Variants in TBCK observed in about 807,000 individuals in gnomAD.
The protein encoded by TBCK is TBC domain-containing protein kinase-like protein.
In TBCK, 99 loss-of-function variants were observed where a neutral mutation model predicts 113.4. The observed-to-expected ratio is 0.87, with a 90% CI of 0.74 to 1.03. TBCK has a LOEUF of 1.03. TBCK is among the 50% of genes least tolerant of loss of function. The pLI is 0.00. For missense variants in TBCK, 1,045 were observed against 1,061.3 expected (o/e 0.98, Z 0.21); for synonymous variants, 369 against 370.8 (o/e 1.00, Z 0.05).
At chr4:106,144,963 A>G (rs1030357710) in intron 23 of TBCK, among the ~76,000 whole-genome samples, 93 of 146,680 alleles carry the variant, frequency 6.3e-4, no homozygotes, top group African/African-American at 2.3e-3. Context: ...CGGAGGTTGC[A>G]GGGAGCTGAG....
chr4:106,307,151 T>C (rs1767610504), intron 2 of TBCK, among the ~76,000 whole-genome samples: 1 of 152,176 alleles, frequency 6.6e-6, no homozygotes, highest in African/African-American at 2.4e-5. Flanking sequence ...ATTATACACT[T>C]ACAGCAACAT....
intron 24 of TBCK, among the ~76,000 whole-genome samples, chr4:106,107,922 T>G (rs2149546218): frequency 2.0e-5 from 3 of 152,024 alleles, no homozygotes; most frequent in Non-Finnish European, 4.4e-5. Context: ...TAAACACAAT[T>G]AGAAATGACT....
chr4:106,065,110 T>G (rs1017475565), intron 25 of TBCK, among the ~76,000 whole-genome samples: 1 of 151,928 alleles, frequency 6.6e-6, no homozygotes, highest in African/African-American at 2.4e-5. Context: ...AAATAAAAAT[T>G]CTCCTTTATA....
chr4:106,153,667 G>A (rs200718290), intron 23 of TBCK, among the ~76,000 whole-genome samples: 1 of 152,082 alleles, frequency 6.6e-6, no homozygotes, highest in Admixed American at 6.6e-5. Context: ...CAAGAGTGTT[G>A]AAGTCTCCAG....
chr4:106,299,100 A>G (rs1217233944), intron 2 of TBCK, among the ~76,000 whole-genome samples: 1 of 152,246 alleles, frequency 6.6e-6, no homozygotes, highest in East Asian at 1.9e-4. Context: ...GCATCACAGT[A>G]GTACATCACA....
intron 2 of TBCK, 46 bp downstream of exon 2, chr4:106,308,722 T>C (rs1355038548): frequency 6.5e-7 from 1 of 1,529,544 alleles, no homozygotes; most frequent in Non-Finnish European, 8.9e-7. Flanking sequence ...TAACTTAGGG[T>C]AACAAAGTAG....
chr4:106,106,793 T>C (rs1742215810), intron 24 of TBCK, among the ~76,000 whole-genome samples: 2 of 152,202 alleles, frequency 1.3e-5, no homozygotes, highest in Non-Finnish European at 2.9e-5. Flanking sequence ...CATATCAATA[T>C]GAACCTTGAA....
At chr4:106,132,660 G>C (rs1314395671) in intron 23 of TBCK, among the ~76,000 whole-genome samples, 2 of 152,216 alleles carry the variant, frequency 1.3e-5, no homozygotes, top group Non-Finnish European at 2.9e-5. Context: ...AAAAGCCACA[G>C]ACACTCAATG....
At chr4:106,143,941 A>G (rs1747456194) in intron 23 of TBCK, among the ~76,000 whole-genome samples, 1 of 152,018 alleles carries the variant, frequency 6.6e-6, no homozygotes. Flanking sequence ...GTAAAGGCAA[A>G]ACCCGCAATT....
intron 24 of TBCK, among the ~76,000 whole-genome samples, chr4:106,097,667 C>G (rs1312995549): frequency 6.6e-6 from 1 of 151,982 alleles, no homozygotes; most frequent in Non-Finnish European, 1.5e-5. Flanking sequence ...ATACAATTTC[C>G]CATGTGACAC....
At chr4:106,288,132 G>A (rs1765302559) in intron 3 of TBCK, among the ~76,000 whole-genome samples, 1 of 151,086 alleles carries the variant, frequency 6.6e-6, no homozygotes, top group South Asian at 2.1e-4. Flanking sequence ...AAAAATTAAG[G>A]TATGCAATCC....
rs34775295 is a variant in TBCK at position 106,204,751 on chromosome 4, A to ATTTTTTTTTTTTTT, written c.1860+7985_1860+7998dup. 2.4e-4 allele frequency among the ~76,000 whole-genome samples: 21 copies of ATTTTTTTTTTTTTT among 87,282 alleles called. 1 individual carries two copies. The highest frequency in any genetic ancestry group is 8.7e-4 in the South Asian group (2 of 2,308). 57.3% of individuals were successfully genotyped at this position (87,282 alleles called of 152,430 possible). A position where few individuals can be genotyped will look rare whatever the true frequency, so the allele number is the denominator to read the frequency against. ...TTGAAAGAATGACAGACAAACAATG[A>ATTTTTTTTTTTTTT]TTTTTTTTTTTTTTTTTTTTTTTTT... On this transcript the variant is annotated intron_variant, in intron 20 of 25. Transcript: ENST00000394708.
intron 22 of TBCK, 106 bp from the exon 23 acceptor site, chr4:106,171,376 T>A: frequency 1.3e-6 from 1 of 787,078 alleles, no homozygotes; most frequent in Middle Eastern, 3.7e-4. Context: ...ATGGCTAAGA[T>A]GATAAGTTAT....
chr4:106,256,704 T>C (rs1394482061), intron 5 of TBCK, among the ~76,000 whole-genome samples: 9 of 152,154 alleles, frequency 5.9e-5, no homozygotes, highest in East Asian at 1.9e-4. Context: ...CTGGCCCCCA[T>C]AGGCTCCGTG....
chr4:106,245,047 G>A (rs1419994792), intron 10 of TBCK, among the ~76,000 whole-genome samples: 1 of 152,132 alleles, frequency 6.6e-6, no homozygotes, highest in Non-Finnish European at 1.5e-5. Flanking sequence ...AATAAAGGGA[G>A]CTATGGCATT....
At chr4:106,272,270 C>A (rs966762419) in intron 3 of TBCK, among the ~76,000 whole-genome samples, 2 of 152,050 alleles carry the variant, frequency 1.3e-5, no homozygotes, top group Admixed American at 1.3e-4. Flanking sequence ...ATATAACATG[C>A]TTATAGAGCC....
At chr4:106,047,534 A>G (rs866857817) in intron 25 of TBCK, among the ~76,000 whole-genome samples, 3 of 152,096 alleles carry the variant, frequency 2.0e-5, no homozygotes, top group Non-Finnish European at 2.9e-5. Flanking sequence ...CCTAACTTCT[A>G]TTCATTTTCC....
At chr4:106,105,145 C>A (rs1199373132) in intron 24 of TBCK, among the ~76,000 whole-genome samples, 1 of 152,242 alleles carries the variant, frequency 6.6e-6, no homozygotes, top group Non-Finnish European at 1.5e-5. Flanking sequence ...CTGTCTTATC[C>A]ATACCTCCAA....
At chr4:106,207,522 A>T (rs1020018721) in intron 20 of TBCK, among the ~76,000 whole-genome samples, 26 of 152,308 alleles carry the variant, frequency 1.7e-4, no homozygotes, top group Admixed American at 4.6e-4. Flanking sequence ...CAGAATTTTT[A>T]AAAAATGCTA....
Sources: allele counts gnomAD v4.1 joint callset (sites outside exome capture counted in the v4.1 genomes callset), GRCh38; gene constraint gnomAD v4.1.1; transcripts MANE v1.5; gene names NCBI Gene and HGNC (gene_info 2026-07-23, HGNC 2026-07-21).